Variants in SAMD12 observed in about 807,000 individuals in gnomAD.
The protein encoded by SAMD12 is sterile alpha motif domain-containing protein 12.
A neutral mutation model predicts 15.0 loss-of-function variants in SAMD12; 9 were observed. That is an observed-to-expected ratio of 0.60 (90% CI 0.36 to 1.05). SAMD12 has a LOEUF of 1.05. Among genes scored for constraint, SAMD12 ranks in the 50% least tolerant of loss-of-function variants. The pLI is 0.01. For missense variants in SAMD12, 230 were observed against 234.2 expected (o/e 0.98, Z 0.12); for synonymous variants, 86 against 90.1 (o/e 0.96, Z 0.25).
chr8:118,445,241 AC>A (rs1822878617), intron 2 of SAMD12, among the ~76,000 whole-genome samples: 1 of 152,220 alleles, frequency 6.6e-6, no homozygotes. Context: ...AAAAAAGGTC[AC>A]TAAATATCAG....
chr8:118,139,650 G>A, the SAMD12 span, among the ~76,000 whole-genome samples: 6 of 152,090 alleles, frequency 3.9e-5, no homozygotes, highest in Non-Finnish European at 7.4e-5. Flanking sequence ...GAGCCACTGC[G>A]CCAGGATTCC....
intron 4 of SAMD12, among the ~76,000 whole-genome samples, chr8:118,341,998 A>C (rs1236657856): frequency 6.6e-6 from 1 of 152,208 alleles, no homozygotes; most frequent in African/African-American, 2.4e-5. Flanking sequence ...CCTATGAAAA[A>C]GTTTTAAGAG....
chr8:118,156,205 G>A, the SAMD12 span, among the ~76,000 whole-genome samples: 1 of 152,172 alleles, frequency 6.6e-6, no homozygotes, highest in Non-Finnish European at 1.5e-5. Flanking sequence ...AAGACCCACT[G>A]AGAGCAACCC....
At chr8:118,177,581 C>T in the SAMD12 span, among the ~76,000 whole-genome samples, 13 of 152,190 alleles carry the variant, frequency 8.5e-5, no homozygotes, top group African/African-American at 1.4e-4. Context: ...AAGCTAGGCA[C>T]GGTGGCTCAT....
At chr8:118,308,494 T>C (rs1347529125) in intron 4 of SAMD12, among the ~76,000 whole-genome samples, 4 of 152,166 alleles carry the variant, frequency 2.6e-5, no homozygotes, top group African/African-American at 4.8e-5. Flanking sequence ...AATTAAGTAA[T>C]TGACCCCAGC....
intron 3 of SAMD12, among the ~76,000 whole-genome samples, chr8:118,434,512 A>G (rs1241020897): frequency 6.6e-6 from 1 of 152,190 alleles, no homozygotes. Flanking sequence ...CTTCACAGAT[A>G]GAGGATTTGA....
chr8:118,165,616 A>ATATATATATATATATG, the SAMD12 span, among the ~76,000 whole-genome samples: 1 of 4,134 alleles, frequency 2.4e-4, no homozygotes, highest in Non-Finnish European at 1.1e-3. Context: ...ATATATATGT[A>ATATATATATATATATG]TATATATATA....
the SAMD12 span, among the ~76,000 whole-genome samples, chr8:118,145,962 C>T: frequency 6.6e-6 from 1 of 152,146 alleles, no homozygotes; most frequent in Admixed American, 6.5e-5. Context: ...GCTAAATAGC[C>T]AGTTCTTTCT....
intron 4 of SAMD12, among the ~76,000 whole-genome samples, chr8:118,360,013 A>G (rs991817867): frequency 5.9e-5 from 9 of 152,152 alleles, no homozygotes; most frequent in Non-Finnish European, 1.3e-4. Context: ...CTGACCTTAC[A>G]TGGTCTGAGG....
Position 118,471,392 on chromosome 8 carries a change from A to G in SAMD12, c.193-31431T>C, listed in dbSNP as rs183105617. On this transcript the variant is annotated intron_variant, in intron 2 of 3. Coordinates refer to ENST00000314727, the MANE Select transcript of SAMD12 (RefSeq NM_207506.3). Reference sequence around the variant, plus strand: ...GGGAAGGTTAGCATGAAGCAATTTCATCGTGTACTCCATTGCAAAAATTTT... The same window carrying G: ...GGGAAGGTTAGCATGAAGCAATTTCGTCGTGTACTCCATTGCAAAAATTTT... 3.7e-4 allele frequency among the ~76,000 whole-genome samples: 56 copies of G among 152,336 alleles called. 1 individual carries two copies. The East Asian group carries it at 9.6e-3, about 26-fold the overall frequency.
intron 2 of SAMD12, among the ~76,000 whole-genome samples, chr8:118,555,185 C>A (rs4421378): frequency 0.73 from 110,348 of 152,102 alleles, 40,476 homozygotes; most frequent in African/African-American, 0.8. Context: ...TACCTCCTCA[C>A]ATCCATTAAT....
intron 2 of SAMD12, among the ~76,000 whole-genome samples, chr8:118,500,529 G>A (rs1232955661): frequency 6.6e-6 from 1 of 151,792 alleles, no homozygotes; most frequent in Non-Finnish European, 1.5e-5. Context: ...GTTCCTGCCA[G>A]GCGCAGTGGC....
intron 2 of SAMD12, among the ~76,000 whole-genome samples, chr8:118,467,399 CACATAGAAA>C (rs1290738571): frequency 6.6e-6 from 1 of 152,150 alleles, no homozygotes; most frequent in African/African-American, 2.4e-5. Flanking sequence ...TGATGCCTCC[CACATAGAAA>C]ATTTTACATG....
intron 2 of SAMD12, among the ~76,000 whole-genome samples, chr8:118,464,999 T>C (rs7836418): frequency 5.4e-4 from 82 of 152,316 alleles, no homozygotes; most frequent in African/African-American, 1.9e-3. Context: ...GTGCATGGTT[T>C]TCAGTGCCTG....
At chr8:118,373,731 T>C (rs919633860), downstream of SAMD12, among the ~76,000 whole-genome samples, 1 of 152,318 alleles carries the variant, frequency 6.6e-6, no homozygotes, top group Non-Finnish European at 1.5e-5. Flanking sequence ...TGGTAGCATC[T>C]ACTACTCACA....
chr8:118,379,675 G>T lies in SAMD12; in HGVS notation c.348C>A (p.Asp116Glu), dbSNP rs1256388722. ...ITGRALLRLTDKKLERMGIAQ... is the reference protein window; with the variant it reads ...ITGRALLRLTEKKLERMGIAQ... Reference sequence around the variant, plus strand: ...CAATCCCCATTCGCTCGAGCTTTTTGTCAGTAAGTCTCAGCAGGGCTCGCC... The same window carrying T: ...CAATCCCCATTCGCTCGAGCTTTTTTTCAGTAAGTCTCAGCAGGGCTCGCC... Residue 116 changes from aspartate (D) to glutamate (E), a missense_variant, in exon 4 of 4, where the codon GAC becomes GAA. Asp to Glu is a conservative substitution (Grantham distance 45). Coordinates refer to ENST00000314727, the MANE Select transcript of SAMD12 (RefSeq NM_207506.3). 5 of 1,613,746 alleles carry T rather than the reference G, an allele frequency of 3.1e-6. No individual in the cohort carries two copies. Among genetic ancestry groups the T allele is most frequent in the Middle Eastern group, 1.6e-4 (1 of 6,078 alleles).
downstream of SAMD12, chr8:118,375,902 T>C (rs977880387): frequency 1.1e-4 from 16 of 152,134 alleles, no homozygotes; most frequent in African/African-American, 3.4e-4. Flanking sequence ...TTCCTCCTCT[T>C]TGGCAAATGT....
intron 2 of SAMD12, among the ~76,000 whole-genome samples, chr8:118,534,592 G>T (rs190263128): frequency 6.6e-6 from 1 of 152,268 alleles, no homozygotes; most frequent in East Asian, 1.9e-4. Context: ...ATCAGACGTA[G>T]ATCTTGTCTT....
At chr8:118,499,541 A>C (rs1824718676) in intron 2 of SAMD12, among the ~76,000 whole-genome samples, 1 of 152,178 alleles carries the variant, frequency 6.6e-6, no homozygotes, top group African/African-American at 2.4e-5. Context: ...CAGAGAGTGG[A>C]TCTGCAGCTT....
Sources: gnomAD v4.1 joint callset for allele counts (sites outside exome capture counted in the v4.1 genomes callset) on GRCh38, gnomAD v4.1.1 for gene constraint, MANE v1.5 for transcripts, NCBI Gene and HGNC (gene_info 2026-07-23, HGNC 2026-07-21) for gene names.